VPS13C: variants seen among roughly 807,000 people sequenced by gnomAD.
VPS13C encodes the protein vacuolar protein sorting 13 homolog C.
VPS13C carries 358 observed loss-of-function variants against 456.8 expected under a neutral mutation model. The observed-to-expected ratio is 0.78, with a 90% CI of 0.72 to 0.86. The LOEUF (loss-of-function observed/expected upper bound fraction) is 0.86. Among genes scored for constraint, VPS13C ranks in the 40% least tolerant of loss-of-function variants. The pLI is 0.00. For missense variants in VPS13C, 4,818 were observed against 4,385.4 expected (o/e 1.10, Z -2.79); for synonymous variants, 1,578 against 1,486.7 (o/e 1.06, Z -1.41).
In VPS13C at chr15:61,858,324, A is replaced by T. The variant is rs560901245; in HGVS notation, c.10953-1915T>A. 0.027 allele frequency among the ~76,000 whole-genome samples: 1,797 copies of T among 65,388 alleles called. 107 individuals carry two copies. The highest frequency in any genetic ancestry group is 0.2 in the Admixed American group (1,484 of 7,250). The allele number at this position is 65,388 out of a possible 152,430, so 42.9% of individuals were successfully genotyped here. A position where few individuals can be genotyped will look rare whatever the true frequency, so the allele number is the denominator to read the frequency against. Reference sequence around the variant, plus strand: ...ATTTTTATCCAAACTCCAACTATCTATCTATCTATCTATCTATCTATCTAT... The same window carrying T: ...ATTTTTATCCAAACTCCAACTATCTTTCTATCTATCTATCTATCTATCTAT... On this transcript the variant is annotated intron_variant, in intron 82 of 84. Transcript: ENST00000644861. The surrounding 1 kb of genome is among the most constrained non-coding windows in gnomAD (Gnocchi z 4.4).
chr15:62,000,167 G>C (rs941075965), intron 16 of VPS13C, among the ~76,000 whole-genome samples: 4 of 152,056 alleles, frequency 2.6e-5, no homozygotes, highest in Admixed American at 6.5e-5. Flanking sequence ...TTCAAGACCA[G>C]GCTGGCCAAC....
chr15:62,001,668 C>A (rs182074756), intron 15 of VPS13C, among the ~76,000 whole-genome samples: 1 of 152,182 alleles, frequency 6.6e-6, no homozygotes, highest in Non-Finnish European at 1.5e-5. Flanking sequence ...ATCCCTCCCC[C>A]TCCCCACAAC....
intron 15 of VPS13C, among the ~76,000 whole-genome samples, chr15:62,005,950 C>T (rs901732373): frequency 2.0e-5 from 3 of 151,584 alleles, no homozygotes; most frequent in African/African-American, 4.8e-5. Flanking sequence ...GTGATCCGCC[C>T]GCCTCAGCCT....
chr15:61,865,531 T>C (rs992568099), intron 81 of VPS13C: 6 of 918,568 alleles, frequency 6.5e-6, no homozygotes, highest in Non-Finnish European at 5.2e-6. Flanking sequence ...ATACATATAA[T>C]GTATGTATAT....
At chr15:62,007,613 A>G (rs1454334515) in intron 14 of VPS13C, 134 bp from the exon 15 acceptor site, 14 of 706,610 alleles carry the variant, frequency 2.0e-5, no homozygotes, top group Non-Finnish European at 2.7e-5. Context: ...GAGCTCAGCA[A>G]TTCCCAGTAA....
chr15:61,875,887 T>A, intron 75 of VPS13C, 42 bp from the exon 76 acceptor site: 1 of 1,258,044 alleles, frequency 7.9e-7, no homozygotes, highest in Non-Finnish European at 1.1e-6. Context: ...TCACAACTAT[T>A]GTAAGAAACA....
rs182101950 is a variant in VPS13C, at chr15:61,921,245, T to C, written c.7063-598A>G. Among the ~76,000 whole-genome samples, 145 of 152,212 alleles carry C rather than the reference T, an allele frequency of 9.5e-4. 1 individual carries two copies. The highest frequency in any genetic ancestry group is 3.4e-3 in the African/African-American group (142 of 41,568). On this transcript the variant is annotated intron_variant, in intron 55 of 84. Coordinates refer to ENST00000644861, the MANE Select transcript of VPS13C (RefSeq NM_020821.3). ...GAAATTGGAACACAGGTTAAGTGAC[T>C]CATCTTTAACAAAAGAATATGTGGA...
intron 82 of VPS13C, among the ~76,000 whole-genome samples, chr15:61,861,632 G>A (rs1894231762): frequency 6.6e-6 from 1 of 152,098 alleles, no homozygotes. Flanking sequence ...TTGAGTCCAG[G>A]AGTTTGAGTC....
At position 62,037,273 on chromosome 15, in the gene VPS13C, AATATATTATATATATTATATTATATAAT is replaced by A. The variant is rs1156772967; in HGVS notation, c.188-2249_188-2222del. ...TATATTTATATATATTATATTATAT[AATATATTATATATATTATATTATATAAT>A]ATATATATAAATATATTATATATTA... is the stretch of plus-strand genomic sequence containing the variant. On this transcript the variant is annotated intron_variant, in intron 3 of 84. Transcript: ENST00000644861. Among the ~76,000 whole-genome samples the A allele has an allele frequency of 5.2e-3, 362 of 69,022 alleles. 15 individuals are homozygous for A. The highest frequency in any genetic ancestry group is 0.019 in the African/African-American group (326 of 17,086). The allele number at this position is 69,022 out of a possible 152,430, so 45.3% of individuals were successfully genotyped here.
intron 15 of VPS13C, among the ~76,000 whole-genome samples, chr15:62,004,999 T>C (rs1417180069): frequency 6.6e-6 from 1 of 151,966 alleles, no homozygotes; most frequent in Non-Finnish European, 1.5e-5. Flanking sequence ...TATATTCTGT[T>C]GATTTGGGGT....
chr15:61,961,835 GCC>G lies in VPS13C; in HGVS notation c.3660_3661del (p.Gln1220HisfsTer24). ...CACACTTGTGGCAGCCCTTTCTGCA[GCC>G]TGGGCAGTGGCAGCACTCAGAGACT... On this transcript the variant is annotated frameshift_variant, in exon 35 of 85. Transcript: ENST00000644861. LOFTEE classifies it high-confidence loss of function. 2 of 1,613,986 alleles carry G rather than the reference GCC, an allele frequency of 1.2e-6. No individual in the cohort carries two copies. The highest frequency in any genetic ancestry group is 1.7e-6 in the Non-Finnish European group (2 of 1,179,944).
intron 1 of VPS13C, among the ~76,000 whole-genome samples, chr15:62,046,756 C>T: frequency 6.6e-6 from 1 of 152,200 alleles, no homozygotes; most frequent in Non-Finnish European, 1.5e-5. Context: ...TGGGCTGTTT[C>T]TCCTGCAGTG....
intron 15 of VPS13C, among the ~76,000 whole-genome samples, chr15:62,006,694 T>C (rs966612035): frequency 6.6e-6 from 1 of 152,334 alleles, no homozygotes. Flanking sequence ...ACTTCCACAA[T>C]GGTTGAACTA....
In VPS13C at chr15:62,043,341, C is replaced by G. The variant is rs565426782; in HGVS notation, c.144+871G>C. Among the ~76,000 whole-genome samples the G allele has an allele frequency of 9.2e-5, 14 of 152,310 alleles. 1 individual carries two copies. In the East Asian group the frequency reaches 2.7e-3, roughly 29 times the overall value. ...GAAGTTAGGCTGGGCGCAGTGGCTCCATGCCTGTAATCCCAACACTTTGGG... is the reference window on the plus strand; with the variant it reads ...GAAGTTAGGCTGGGCGCAGTGGCTCGATGCCTGTAATCCCAACACTTTGGG... On this transcript the variant is annotated intron_variant, in intron 2 of 84. Transcript: ENST00000644861.
At chr15:61,920,399 T>C (rs1180069231) in intron 56 of VPS13C, 68 bp from the exon 57 acceptor site, 1 of 1,501,448 alleles carries the variant, frequency 6.7e-7, no homozygotes, top group East Asian at 2.3e-5. Flanking sequence ...ACCTATACCA[T>C]AATTACACAT....
At chr15:61,876,481 T>G (rs558165426) in intron 75 of VPS13C, among the ~76,000 whole-genome samples, 1 of 151,888 alleles carries the variant, frequency 6.6e-6, no homozygotes, top group African/African-American at 2.4e-5. Context: ...TGTCTGTATA[T>G]GTAATAGGAG....
At chr15:62,020,585 C>T (rs756356475) in intron 8 of VPS13C, 47 bp from the exon 9 acceptor site, 10 of 1,567,634 alleles carry the variant, frequency 6.4e-6, no homozygotes, top group South Asian at 1.1e-5. Context: ...ATGGTGAAGG[C>T]GAATCCATGT....
Position 61,984,931 on chromosome 15 carries a change from AAT to A in VPS13C, c.1645_1646del (p.Ile549SerfsTer25), listed in dbSNP as rs771929513. On this transcript the variant is annotated frameshift_variant, in exon 19 of 85. Coordinates refer to ENST00000644861, the MANE Select transcript of VPS13C (RefSeq NM_020821.3). LOFTEE classifies it high-confidence loss of function. ...TTATCTGAATTTTTAGTATTTCTGG[AAT>A]ATTCTTGTTTTCTCTTATCGTAACA... Reference protein sequence around the residue: ...TSVTIRENKNIPEILKIQIIG... With the variant: ...TSVTIRENKNXPEILKIQIIG... The A allele has an allele frequency of 6.2e-7, 1 of 1,612,230 alleles. No individual in the cohort carries two copies. The highest frequency in any genetic ancestry group is 1.3e-5 in the African/African-American group (1 of 74,808).
chr15:61,918,635 G>A (rs538249246), intron 58 of VPS13C, among the ~76,000 whole-genome samples: 1 of 151,954 alleles, frequency 6.6e-6, no homozygotes, highest in Non-Finnish European at 1.5e-5. Context: ...GAGAAAAATA[G>A]TACAATTCTT....
Sources: allele counts gnomAD v4.1 joint callset (sites outside exome capture counted in the v4.1 genomes callset), GRCh38; gene constraint gnomAD v4.1.1; non-coding constraint Gnocchi (gnomAD v3.1); transcripts MANE v1.5; gene names NCBI Gene and HGNC (gene_info 2026-07-23, HGNC 2026-07-21).